The following DHRS4L2 variants were observed in gnomAD, a reference collection of about 807,000 sequenced individuals.
The protein encoded by DHRS4L2 is dehydrogenase/reductase SDR family member 4-like 2.
DHRS4L2 carries 22 observed loss-of-function variants against 23.9 expected under a neutral mutation model. That is an observed-to-expected ratio of 0.92 (90% CI 0.66 to 1.31). DHRS4L2 has a LOEUF of 1.31. DHRS4L2 is among the 40% of genes most tolerant of loss of function. DHRS4L2 has a pLI of 0.00. For synonymous variants in DHRS4L2, 141 were observed against 123.7 expected (o/e 1.14, Z -0.93); for missense variants, 385 against 303.3 (o/e 1.27, Z -2.00).
intron 7 of DHRS4L2, 91 bp downstream of exon 7, chr14:24,004,483 A>C: frequency 1.4e-6 from 2 of 1,453,378 alleles, no homozygotes; most frequent in Non-Finnish European, 1.9e-6. Flanking sequence ...TCAGTCCCAC[A>C]GATAACACAG....
At chr14:24,005,821 G>A (rs2034564180) in intron 7 of DHRS4L2, 65 bp from the exon 8 acceptor site, 3 of 1,592,900 alleles carry the variant, frequency 1.9e-6, no homozygotes, top group South Asian at 1.1e-5. Context: ...AACTCCCCGT[G>A]TCCCAGGTGA....
intron 6 of DHRS4L2, 38 bp downstream of exon 6, chr14:24,001,555 T>A: frequency 6.9e-6 from 11 of 1,594,166 alleles, no homozygotes; most frequent in Non-Finnish European, 9.4e-6. Flanking sequence ...TGGGACCCCT[T>A]GAAAGGCATC....
rs560762322 is a variant in DHRS4L2 at position 23,989,060 on chromosome 14, C to G, written c.113C>G (p.Thr38Arg). Reference protein sequence around the residue: ...DPLTNKVALVTASTDGIGFAI... With the variant: ...DPLTNKVALVRASTDGIGFAI... ...CTCACAAATAAGGTGGCCCTGGTAACGGCCTCCACCGACGGGTGAGTGTTG... is the reference window on the plus strand; with the variant it reads ...CTCACAAATAAGGTGGCCCTGGTAAGGGCCTCCACCGACGGGTGAGTGTTG... The change falls in exon 1 of 8, where the codon ACG becomes AGG. Residue 38 changes from threonine (T) to arginine (R), a missense_variant. Transcript: ENST00000335125. The G allele has an allele frequency of 3.0e-5, 48 of 1,578,932 alleles. 1 individual carries two copies. The highest frequency in any genetic ancestry group is 3.9e-5 in the Non-Finnish European group (45 of 1,162,858).
chr14:23,987,920 C>T (rs944780668), upstream of DHRS4L2, among the ~76,000 whole-genome samples: 4 of 140,794 alleles, frequency 2.8e-5, no homozygotes, highest in African/African-American at 5.5e-5. Context: ...TTCATTCTCC[C>T]GGAAACCCAG....
intron 3 of DHRS4L2, among the ~76,000 whole-genome samples, chr14:23,999,400 ATG>A (rs1319488533): frequency 1.3e-5 from 2 of 148,400 alleles, no homozygotes; most frequent in South Asian, 2.2e-4. Context: ...ATAAGAAAAT[ATG>A]TGTCTATAAC....
chr14:23,971,157 C>T (rs1225417408), intron 1 of DHRS4L2, among the ~76,000 whole-genome samples: 4 of 152,086 alleles, frequency 2.6e-5, no homozygotes, highest in Admixed American at 2.6e-4. Flanking sequence ...AGTTTGATAA[C>T]TTGACAGAAG....
At chr14:23,971,163 A>G (rs922362987) in intron 1 of DHRS4L2, among the ~76,000 whole-genome samples, 4 of 152,120 alleles carry the variant, frequency 2.6e-5, no homozygotes, top group African/African-American at 9.6e-5. Context: ...ATAACTTGAC[A>G]GAAGTTAAGC....
intron 1 of DHRS4L2, among the ~76,000 whole-genome samples, chr14:23,974,280 C>T (rs560225218): frequency 6.6e-6 from 1 of 151,456 alleles, no homozygotes; most frequent in South Asian, 2.1e-4. Flanking sequence ...GCACTGAATA[C>T]CCACAAGAGA....
intron 1 of DHRS4L2, among the ~76,000 whole-genome samples, chr14:23,973,425 G>A (rs1464626563): frequency 6.6e-6 from 1 of 151,918 alleles, no homozygotes; most frequent in East Asian, 1.9e-4. Flanking sequence ...GCCCAGAAAG[G>A]GGCTCCCACA....
intron 1 of DHRS4L2, among the ~76,000 whole-genome samples, chr14:23,977,498 A>G (rs2033989735): frequency 6.6e-6 from 1 of 151,684 alleles, no homozygotes; most frequent in Non-Finnish European, 1.5e-5. Flanking sequence ...ATAAGGGAGT[A>G]GAGCAGCAGG....
At position 23,970,088 on chromosome 14, in the gene DHRS4L2, G is replaced by T. The variant is rs745602310; in HGVS notation, c.-420G>T. On this transcript the variant is annotated 5_prime_UTR_variant, in exon 1 of 6. Coordinates refer to the DHRS4L2 transcript ENST00000534993. Reference sequence around the variant, plus strand: ...CTCCTCTGCAGCAGCCTCGGCAGTAGGGGTCAGGGTGGCCAAGCCCACCGT... The same window carrying T: ...CTCCTCTGCAGCAGCCTCGGCAGTATGGGTCAGGGTGGCCAAGCCCACCGT... The T allele has an allele frequency of 1.1e-3, 513 of 456,510 alleles. 4 individuals carry two copies. Among genetic ancestry groups the T allele is most frequent in the Non-Finnish European group, 1.8e-3 (418 of 226,952 alleles). 28.3% of individuals were successfully genotyped at this position (456,510 alleles called of 1,614,324 possible).
At chr14:23,989,692 G>C (rs998435407) in intron 1 of DHRS4L2, among the ~76,000 whole-genome samples, 16 of 151,790 alleles carry the variant, frequency 1.1e-4, no homozygotes, top group African/African-American at 3.9e-4. Flanking sequence ...GACAACTGCA[G>C]AATGTGTAAC....
In DHRS4L2 at chr14:23,993,234, C is replaced by G. The variant is rs538354208; in HGVS notation, c.307-1798C>G. ...ATTGGTGAGACTTACACAGAGCCAA[C>G]CCAGGTGACTTGGCTTTGTGCCAGG... On this transcript the variant is annotated intron_variant, in intron 2 of 7. Coordinates refer to ENST00000335125, the MANE Select transcript of DHRS4L2 (RefSeq NM_198083.4). Among the ~76,000 whole-genome samples the G allele has an allele frequency of 6.1e-4, 93 of 151,650 alleles. 1 individual carries two copies. The highest frequency in any genetic ancestry group is 6.0e-3 in the East Asian group (31 of 5,174).
chr14:23,995,565 T>C (rs1260939051), intron 3 of DHRS4L2, among the ~76,000 whole-genome samples: 1 of 151,852 alleles, frequency 6.6e-6, no homozygotes, highest in African/African-American at 2.4e-5. Flanking sequence ...AAAATACTAA[T>C]TCTGGTGAAA....
chr14:23,996,411 G>T (rs1374659231), intron 3 of DHRS4L2, among the ~76,000 whole-genome samples: 1 of 151,292 alleles, frequency 6.6e-6, no homozygotes. Flanking sequence ...GCTAGTTTTT[G>T]ATTCTAGTTT....
At chr14:23,985,913 A>T (rs368126867), upstream of DHRS4L2, among the ~76,000 whole-genome samples, 1 of 151,648 alleles carries the variant, frequency 6.6e-6, no homozygotes, top group Admixed American at 6.6e-5. Context: ...CATGTTGGTC[A>T]GGCTGGTCTT....
rs578123583 is a variant in DHRS4L2 at position 23,976,791 on chromosome 14, C to T, written c.-176+6459C>T. ...ATGCAGCCATAAAAAAGGATGAGTT[C>T]GTGTCCTTTGCAGGGACATGGATGA... On this transcript the variant is annotated intron_variant, in intron 1 of 5. Coordinates refer to the DHRS4L2 transcript ENST00000534993. 5.3e-5 allele frequency among the ~76,000 whole-genome samples: 8 copies of T among 151,898 alleles called. 1 individual carries two copies. Among genetic ancestry groups the T allele is most frequent in the South Asian group, 2.1e-4 (1 of 4,808 alleles).
chr14:24,005,953 A>C lies in DHRS4L2; in HGVS notation c.*90A>C, dbSNP rs1347148981. ...GTGCTCTGAAGATGCCAGCTACATC[A>C]CTGGGGAAACAGTGGTGGTGGGTGG... On this transcript the variant is annotated 3_prime_UTR_variant, in exon 8 of 8. Coordinates refer to ENST00000335125, the MANE Select transcript of DHRS4L2 (RefSeq NM_198083.4). 2.5e-6 allele frequency: 4 copies of C among 1,611,576 alleles called. No homozygotes were observed. In the African/African-American group the frequency reaches 4.0e-5, roughly 16 times the overall value.
In DHRS4L2 at chr14:23,989,027, G is replaced by C; in HGVS notation, c.80G>C (p.Arg27Pro). ...VRMASSRMTR[R>P]DPLTNKVALV... is the part of the protein sequence containing the mutation. ...ATGGCCAGCTCCAGGATGACCCGCC[G>C]GGACCCGCTCACAAATAAGGTGGCC... The change falls in exon 1 of 8, where the codon CGG becomes CCG. Residue 27 changes from arginine (R) to proline (P), a missense_variant. Arg to Pro is a moderately radical substitution (Grantham distance 103, BLOSUM62 -2). Coordinates refer to ENST00000335125, the MANE Select transcript of DHRS4L2 (RefSeq NM_198083.4). The C allele has an allele frequency of 1.9e-6, 3 of 1,604,460 alleles. No individual in the cohort carries two copies. The highest frequency in any genetic ancestry group is 2.2e-5 in the East Asian group (1 of 44,502).
Sources: gnomAD v4.1 joint callset for allele counts (sites outside exome capture counted in the v4.1 genomes callset) on GRCh38, gnomAD v4.1.1 for gene constraint, MANE v1.5 for transcripts, NCBI Gene and HGNC (gene_info 2026-07-23, HGNC 2026-07-21) for gene names.